The following TMEM167A variants were observed in gnomAD, a reference collection of about 807,000 sequenced individuals.
TMEM167A encodes transmembrane protein 167A, also known as protein kish-A.
TMEM167A carries 8 observed loss-of-function variants against 11.6 expected under a neutral mutation model. The observed-to-expected ratio is 0.69, with a 90% CI of 0.40 to 1.24. TMEM167A has a LOEUF of 1.24. TMEM167A is among the 50% of genes most tolerant of loss of function. The probability of loss-of-function intolerance (pLI) is 0.01; values close to 1 mark genes in which losing one functional copy is unlikely to be tolerated. For missense variants in TMEM167A, 62 were observed against 87.0 expected, an observed-to-expected ratio of 0.71 and a Z score of 1.14; for synonymous variants, 22 against 28.0, an observed-to-expected ratio of 0.79 and a Z score of 0.67.
intron 1 of TMEM167A, among the ~76,000 whole-genome samples, chr5:83,073,973 C>T (rs548383085): frequency 1.3e-5 from 2 of 152,326 alleles, no homozygotes; most frequent in African/African-American, 4.8e-5. Context: ...AAGCTGGTCT[C>T]CCAGATTCTA....
chr5:83,070,722 G>C (rs1481774375), intron 1 of TMEM167A, among the ~76,000 whole-genome samples: 1 of 151,968 alleles, frequency 6.6e-6, no homozygotes, highest in African/African-American at 2.4e-5. Context: ...TGAAAAATTA[G>C]TTTTTAGATT....
chr5:83,067,810 A>G (rs1744506259), intron 1 of TMEM167A, among the ~76,000 whole-genome samples: 1 of 152,058 alleles, frequency 6.6e-6, no homozygotes, highest in Non-Finnish European at 1.5e-5. Context: ...ATCTCTAGAT[A>G]GTTTTTAATC....
chr5:83,077,284 C>T, intron 1 of TMEM167A, 37 bp downstream of exon 1: 2 of 1,614,192 alleles, frequency 1.2e-6, no homozygotes, highest in Non-Finnish European at 1.7e-6. Flanking sequence ...AACCCCTTCT[C>T]GAAGATCAAC....
In TMEM167A at chr5:83,061,847, A is replaced by T. The variant is rs201203807; in HGVS notation, c.148+30T>A. Reference sequence around the variant, plus strand: ...TAAATTGGTCAACAATTTACAGCTGAAGAAATGGAGGGAGATTATAGACAC... The same window carrying T: ...TAAATTGGTCAACAATTTACAGCTGTAGAAATGGAGGGAGATTATAGACAC... On this transcript the variant is annotated intron_variant, in intron 3 of 3. Transcript: ENST00000502346. 1,479 of 1,593,346 alleles carry T rather than the reference A, an allele frequency of 9.3e-4. 4 individuals carry two copies. Among genetic ancestry groups the T allele is most frequent in the Middle Eastern group, 4.8e-3 (29 of 6,006 alleles).
chr5:83,060,243 G>C (rs1273174352), intron 3 of TMEM167A, among the ~76,000 whole-genome samples: 2 of 151,836 alleles, frequency 1.3e-5, no homozygotes, highest in Non-Finnish European at 2.9e-5. Flanking sequence ...AAAGGGATTA[G>C]TTGAGAGAAT....
At chr5:83,075,807 A>C (rs1561306495) in intron 1 of TMEM167A, among the ~76,000 whole-genome samples, 1 of 152,124 alleles carries the variant, frequency 6.6e-6, no homozygotes, top group African/African-American at 2.4e-5. Flanking sequence ...CCATTGGGTT[A>C]CCTCACAAAT....
At chr5:83,061,983 T>G in intron 2 of TMEM167A, 72 bp from the exon 3 acceptor site, 3 of 1,205,624 alleles carry the variant, frequency 2.5e-6, no homozygotes, top group Non-Finnish European at 2.4e-6. Flanking sequence ...CTTGATATCA[T>G]ATAGGGAATT....
chr5:83,075,876 C>T (rs7727691), intron 1 of TMEM167A, among the ~76,000 whole-genome samples: 47,714 of 152,146 alleles, frequency 0.31, 8,814 homozygotes, highest in Non-Finnish European at 0.42. Context: ...TCTTAAGCTG[C>T]TAAGTTAGCC....
At chr5:83,069,776 T>C (rs957661694) in intron 1 of TMEM167A, among the ~76,000 whole-genome samples, 2 of 152,134 alleles carry the variant, frequency 1.3e-5, no homozygotes, top group Non-Finnish European at 2.9e-5. Context: ...TAAAATATAG[T>C]ACACAGAGAA....
chr5:83,059,680 T>C (rs1415170431), intron 3 of TMEM167A, among the ~76,000 whole-genome samples: 1 of 152,126 alleles, frequency 6.6e-6, no homozygotes, highest in Non-Finnish European at 1.5e-5. Flanking sequence ...GGGTTTGCAG[T>C]TGTTCATAAC....
intron 1 of TMEM167A, among the ~76,000 whole-genome samples, chr5:83,069,002 T>G (rs866983335): frequency 6.6e-6 from 1 of 152,160 alleles, no homozygotes; most frequent in Non-Finnish European, 1.5e-5. Context: ...GTTTTCATAA[T>G]AGAAGATAAA....
Position 83,055,660 on chromosome 5 carries a change from C to T in TMEM167A, c.*1424G>A, listed in dbSNP as rs1744318571. 6.6e-6 allele frequency: 1 copy of T among 151,928 alleles called. No homozygotes were observed. The highest frequency in any genetic ancestry group is 1.5e-5 in the Non-Finnish European group (1 of 67,940). The allele number at this position is 151,928 out of a possible 1,614,324, so 9.4% of individuals were successfully genotyped here. Reference sequence around the variant, plus strand: ...CCAAAAAACACCCCCAAACAAAAAACCACCACAGGCAACACACAAGCTTAA... The same window carrying T: ...CCAAAAAACACCCCCAAACAAAAAATCACCACAGGCAACACACAAGCTTAA... On this transcript the variant is annotated 3_prime_UTR_variant, in exon 4 of 4. Coordinates refer to ENST00000502346, the MANE Select transcript of TMEM167A (RefSeq NM_174909.5).
Position 83,055,614 on chromosome 5 carries a change from A to G in TMEM167A, c.*1470T>C, listed in dbSNP as rs964003124. 6.6e-6 allele frequency: 1 copy of G among 152,018 alleles called. No individual in the cohort carries two copies. The highest frequency in any genetic ancestry group is 6.6e-5 in the Admixed American group (1 of 15,232). 9.4% of individuals were successfully genotyped at this position (152,018 alleles called of 1,614,324 possible). ...AAACAAAAAATCCCCAGATAACAAA[A>G]TACAGAAAATCAAACCAAAACCAAA... is the stretch of plus-strand genomic sequence containing the variant. On this transcript the variant is annotated 3_prime_UTR_variant, in exon 4 of 4. Transcript: ENST00000502346.
In TMEM167A at chr5:83,056,507, C is replaced by T. The variant is rs1744334149; in HGVS notation, c.*577G>A. On this transcript the variant is annotated 3_prime_UTR_variant, in exon 4 of 4. Transcript: ENST00000502346. ...TATTTTTAAGTTACATCTCATTTAC[C>T]TTCGTCCTTAAGAACTGCATAAGCT... is the stretch of plus-strand genomic sequence containing the variant. The T allele has an allele frequency of 6.6e-6, 1 of 152,466 alleles. No homozygotes were observed. The highest frequency in any genetic ancestry group is 2.4e-5 in the African/African-American group (1 of 41,404). The allele number at this position is 152,466 out of a possible 1,614,324, so 9.4% of individuals were successfully genotyped here.
chr5:83,069,831 C>A (rs1744535359), intron 1 of TMEM167A, among the ~76,000 whole-genome samples: 1 of 152,014 alleles, frequency 6.6e-6, no homozygotes, highest in African/African-American at 2.4e-5. Flanking sequence ...ACGCAACTGG[C>A]AATAATGAAC....
At chr5:83,064,222 C>T (rs748204326) in intron 2 of TMEM167A, 1 of 518,028 alleles carries the variant, frequency 1.9e-6, no homozygotes, top group African/African-American at 1.9e-5. Context: ...GAGAAATATA[C>T]TACCACTCAA....
chr5:83,061,641 T>C (rs937425221), intron 3 of TMEM167A, among the ~76,000 whole-genome samples: 3 of 152,204 alleles, frequency 2.0e-5, no homozygotes, highest in Non-Finnish European at 2.9e-5. Context: ...GTAATCCTCC[T>C]GCCTTGGCCT....
chr5:83,073,562 G>C (rs906281743), intron 1 of TMEM167A, among the ~76,000 whole-genome samples: 2 of 152,172 alleles, frequency 1.3e-5, no homozygotes, highest in Non-Finnish European at 2.9e-5. Flanking sequence ...GTTCAGTGTT[G>C]ACGGTGCCGG....
At chr5:83,058,699 A>G (rs772100183) in intron 3 of TMEM167A, among the ~76,000 whole-genome samples, 1 of 152,146 alleles carries the variant, frequency 6.6e-6, no homozygotes, top group Non-Finnish European at 1.5e-5. Context: ...GTGGAAATTA[A>G]TTTTTGAGGA....
Sources: gnomAD v4.1 joint callset for allele counts (sites outside exome capture counted in the v4.1 genomes callset) on GRCh38, gnomAD v4.1.1 for gene constraint, MANE v1.5 for transcripts, NCBI Gene and HGNC (gene_info 2026-07-23, HGNC 2026-07-21) for gene names.